Variants in AP3B1 observed in about 807,000 individuals in gnomAD.
The protein encoded by AP3B1 is AP-3 complex subunit beta-1.
A neutral mutation model predicts 132.5 loss-of-function variants in AP3B1; 61 were observed. The ratio of observed to expected loss-of-function variants is 0.46; its 90% CI spans 0.37 to 0.57. AP3B1 has a LOEUF of 0.57. Among genes scored for constraint, AP3B1 ranks in the 20% least tolerant of loss-of-function variants. The pLI, the probability that AP3B1 is intolerant of heterozygous loss-of-function variation, is 0.00. For missense variants in AP3B1, 1,120 were observed against 1,289.4 expected, an observed-to-expected ratio of 0.87 and a Z score of 2.01; for synonymous variants, 388 against 438.3, an observed-to-expected ratio of 0.89 and a Z score of 1.43.
intron 20 of AP3B1, among the ~76,000 whole-genome samples, chr5:78,101,899 T>C (rs1340003582): frequency 6.6e-6 from 1 of 152,114 alleles, no homozygotes; most frequent in Non-Finnish European, 1.5e-5. Flanking sequence ...TTCTAATCTA[T>C]ACTATTTTTT....
At chr5:78,281,754 G>T (rs1479103335) in intron 1 of AP3B1, among the ~76,000 whole-genome samples, 1 of 151,838 alleles carries the variant, frequency 6.6e-6, no homozygotes, top group East Asian at 1.9e-4. Context: ...AGAAAATAGG[G>T]ATTTATTTAA....
intron 23 of AP3B1, among the ~76,000 whole-genome samples, chr5:78,038,470 CA>C (rs957455688): frequency 1.3e-5 from 2 of 151,984 alleles, no homozygotes; most frequent in African/African-American, 4.8e-5. Flanking sequence ...AAAATAATCG[CA>C]AAAAAATCTC....
rs575928148 is a variant in AP3B1, at chr5:78,100,575, T to C, written c.2470+378A>G. On this transcript the variant is annotated intron_variant, in intron 21 of 26. Coordinates refer to ENST00000255194, the MANE Select transcript of AP3B1 (RefSeq NM_003664.5). ...GAAGATGGTGATGTCCTTTCCATTT[T>C]TATTTACATTCCTTAATCCTCTACC... 2.6e-5 allele frequency among the ~76,000 whole-genome samples: 4 copies of C among 152,330 alleles called. No individual in the cohort carries two copies. The East Asian group carries it at 7.7e-4, about 29-fold the overall frequency.
In AP3B1 at chr5:78,181,683, C is replaced by T. The variant is rs746986868; in HGVS notation, c.787-21G>A. ...TCACCCTACAATGAAAGAAATCCAACCCAAGATTACTTTAGACCTTGAGCA... is the reference window on the plus strand; with the variant it reads ...TCACCCTACAATGAAAGAAATCCAATCCAAGATTACTTTAGACCTTGAGCA... On this transcript the variant is annotated intron_variant, in intron 7 of 26. Coordinates refer to ENST00000255194, the MANE Select transcript of AP3B1 (RefSeq NM_003664.5). 14 of 1,608,306 alleles carry T rather than the reference C, an allele frequency of 8.7e-6. No homozygotes were observed. In the South Asian group the frequency reaches 1.1e-4, roughly 13 times the overall value.
chr5:78,141,230 C>T lies in AP3B1; in HGVS notation c.1563G>A (p.Met521Ile). 5.6e-6 allele frequency: 9 copies of T among 1,613,738 alleles called. No homozygotes were observed. The highest frequency in any genetic ancestry group is 6.8e-6 in the Non-Finnish European group (8 of 1,179,728). ...PKIAPDVLRK[M>I]AKSFTSEDDL... ...CATCTTCACTAGTGAAGCTTTTAGC[C>T]ATCTTCCTCAAAACATCAGGGGCAA... Residue 521 changes from methionine (M) to isoleucine (I), a missense_variant, in exon 15 of 27, where the codon ATG becomes ATA. Coordinates refer to ENST00000255194, the MANE Select transcript of AP3B1 (RefSeq NM_003664.5).
intron 11 of AP3B1, among the ~76,000 whole-genome samples, chr5:78,174,561 C>G (rs1225340108): frequency 6.6e-6 from 1 of 152,226 alleles, no homozygotes; most frequent in Non-Finnish European, 1.5e-5. Context: ...TACTGTAGAA[C>G]AGCAAATATT....
In AP3B1 at chr5:78,198,443, G is replaced by T. The variant is rs924102873; in HGVS notation, c.787-16781C>A. On this transcript the variant is annotated intron_variant, in intron 7 of 26. Transcript: ENST00000255194. ...GGCAGGTGATTCAATTCATGGTGAA[G>T]GCCCTCCTCCTGGTGTGTGGACAGC... Among the ~76,000 whole-genome samples, 9 of 152,248 alleles carry T rather than the reference G, an allele frequency of 5.9e-5. No homozygotes were observed. In the East Asian group the frequency reaches 1.7e-3, roughly 29 times the overall value.
intron 3 of AP3B1, among the ~76,000 whole-genome samples, chr5:78,239,778 C>CAAAAAAA (rs560151932): frequency 2.6e-5 from 2 of 77,304 alleles, no homozygotes; most frequent in African/African-American, 4.9e-5. Context: ...GACTCTGTCT[C>CAAAAAAA]AAAAAAAAAA....
Position 78,015,553 on chromosome 5 carries a change from A to T in AP3B1, c.2993-5T>A. ...CATTCATTCCTGTTAGCACTCCTGT[A>T]AAAGCAAAAGAAGGCTCCCTTTTAT... On this transcript the variant is annotated splice_region_variant and splice_polypyrimidine_tract_variant and intron_variant, in intron 25 of 26. Coordinates refer to ENST00000255194, the MANE Select transcript of AP3B1 (RefSeq NM_003664.5). 1 of 1,613,396 alleles carries T rather than the reference A, an allele frequency of 6.2e-7. No individual in the cohort carries two copies.
intron 25 of AP3B1, among the ~76,000 whole-genome samples, chr5:78,017,388 A>T (rs374772578): frequency 6.6e-6 from 1 of 152,060 alleles, no homozygotes; most frequent in Non-Finnish European, 1.5e-5. Context: ...CTGAATCAAG[A>T]TTAATTTACA....
At chr5:78,229,575 C>CAGAAAAAA (rs765434514) in intron 3 of AP3B1, among the ~76,000 whole-genome samples, 8 of 134,342 alleles carry the variant, frequency 6.0e-5, no homozygotes, top group African/African-American at 2.2e-4. Flanking sequence ...TCTAGTAAAA[C>CAGAAAAAA]AAAAAAAAAA....
intron 7 of AP3B1, among the ~76,000 whole-genome samples, chr5:78,205,482 T>C (rs1223885254): frequency 6.6e-6 from 1 of 151,898 alleles, no homozygotes; most frequent in Admixed American, 6.6e-5. Context: ...TTTATATATA[T>C]AGGCACTAAA....
intron 5 of AP3B1, among the ~76,000 whole-genome samples, chr5:78,227,036 A>G (rs1345994220): frequency 2.6e-5 from 4 of 152,020 alleles, no homozygotes; most frequent in Non-Finnish European, 4.4e-5. Flanking sequence ...GGAAAAAAAA[A>G]TCTCAATTTT....
intron 21 of AP3B1, among the ~76,000 whole-genome samples, chr5:78,097,604 G>GT (rs1200662968): frequency 7.0e-6 from 1 of 142,658 alleles, no homozygotes; most frequent in African/African-American, 2.6e-5. Flanking sequence ...CGGGAGGGAG[G>GT]TGGGGGGGTC....
chr5:78,175,668 G>A lies in AP3B1; in HGVS notation c.1125C>T (p.Phe375=). ...TAGTTGGATCAGTTGACCTAACATA[G>A]AAACTCTTCAGATAAGGTTCAAACA... The part of the protein sequence containing the change: ...KGMFEPYLKS[F]YVRSTDPTMI... Residue 375 remains phenylalanine, a synonymous_variant, in exon 11 of 27, where the codon TTC becomes TTT. Coordinates refer to ENST00000255194, the MANE Select transcript of AP3B1 (RefSeq NM_003664.5). The A allele has an allele frequency of 6.2e-7, 1 of 1,613,426 alleles. No homozygotes were observed. The highest frequency in any genetic ancestry group is 8.5e-7 in the Non-Finnish European group (1 of 1,179,612).
intron 21 of AP3B1, among the ~76,000 whole-genome samples, chr5:78,091,796 A>C (rs2112207706): frequency 6.6e-6 from 1 of 152,310 alleles, no homozygotes. Flanking sequence ...GTCCTGCAGG[A>C]TGGTTAATCA....
chr5:78,106,338 G>A (rs927430534), intron 20 of AP3B1, among the ~76,000 whole-genome samples: 1 of 151,924 alleles, frequency 6.6e-6, no homozygotes, highest in African/African-American at 2.4e-5. Context: ...CATGCCTATA[G>A]TCCCAGCTAC....
intron 21 of AP3B1, among the ~76,000 whole-genome samples, chr5:78,094,473 A>G (rs1449586116): frequency 6.6e-6 from 1 of 152,234 alleles, no homozygotes; most frequent in East Asian, 1.9e-4. Flanking sequence ...GCTCATGATA[A>G]CATTCCCTCA....
chr5:78,236,702 A>G (rs1484298044), intron 3 of AP3B1, among the ~76,000 whole-genome samples: 3 of 152,212 alleles, frequency 2.0e-5, no homozygotes, highest in African/African-American at 7.2e-5. Flanking sequence ...AGGTTTTTTT[A>G]ATGTTAGCAA....
Sources: gnomAD v4.1 joint callset for allele counts (sites outside exome capture counted in the v4.1 genomes callset) on GRCh38, gnomAD v4.1.1 for gene constraint, MANE v1.5 for transcripts, NCBI Gene and HGNC (gene_info 2026-07-23, HGNC 2026-07-21) for gene names.